The following DIAPH2 variants were observed in gnomAD, a reference collection of about 807,000 sequenced individuals.
DIAPH2 encodes the protein protein diaphanous homolog 2.
In DIAPH2, 35 loss-of-function variants were observed where a neutral mutation model predicts 92.7. The observed-to-expected ratio is 0.38, with a 90% CI of 0.29 to 0.50. The LOEUF (loss-of-function observed/expected upper bound fraction) is 0.50, where lower values mean the gene tolerates loss of function less well. DIAPH2 is among the 20% of genes least tolerant of loss of function. The probability of loss-of-function intolerance (pLI) is 0.94; values close to 1 mark genes in which losing one functional copy is unlikely to be tolerated. For missense variants in DIAPH2, 701 were observed against 819.5 expected, an observed-to-expected ratio of 0.86 and a Z score of 1.77; for synonymous variants, 301 against 280.4, an observed-to-expected ratio of 1.07 and a Z score of -0.73.
At chrX:97,247,607 C>T in intron 22 of DIAPH2, 108 bp from the exon 23 acceptor site, 1 of 701,779 alleles carries the variant, frequency 1.4e-6, no homozygotes, top group Non-Finnish European at 2.1e-6. Context: ...CTTCATGGAA[C>T]TATTTCCCAC....
At chrX:96,974,263 C>T (rs1054208770) in intron 17 of DIAPH2, among the ~76,000 whole-genome samples, 4 of 112,011 alleles carry the variant, frequency 3.6e-5, no homozygotes, top group African/African-American at 9.7e-5. Context: ...GGAAACTTCA[C>T]GCTGAAGAAT....
chrX:96,831,378 A>G (rs2064853774), intron 4 of DIAPH2, among the ~76,000 whole-genome samples: 1 of 112,081 alleles, frequency 8.9e-6, no homozygotes, highest in Non-Finnish European at 1.9e-5. Flanking sequence ...TAACTTGGTA[A>G]TTAAAAGCAT....
intron 23 of DIAPH2, among the ~76,000 whole-genome samples, chrX:97,330,685 G>A (rs903435015): frequency 7.3e-5 from 8 of 109,475 alleles, no homozygotes; most frequent in Middle Eastern, 4.7e-3. Flanking sequence ...GCTAACTTTC[G>A]TATTTTTAGT....
intron 26 of DIAPH2, among the ~76,000 whole-genome samples, chrX:97,525,860 G>C (rs1002444832): frequency 8.9e-6 from 1 of 112,083 alleles, no homozygotes; most frequent in Non-Finnish European, 1.9e-5. Flanking sequence ...AGCATCTGGG[G>C]CTAGATAAAC....
chrX:96,886,004 T>C (rs1422461091), intron 5 of DIAPH2, among the ~76,000 whole-genome samples: 1 of 111,690 alleles, frequency 9.0e-6, no homozygotes, highest in Non-Finnish European at 1.9e-5. Context: ...AATCTTAACT[T>C]TCCTGTGTGA....
chrX:97,414,558 G>A (rs5921814), intron 25 of DIAPH2, among the ~76,000 whole-genome samples: 2,954 of 107,660 alleles, frequency 0.027, 34 homozygotes, highest in Non-Finnish European at 0.039. Context: ...GCTGAGGCAG[G>A]AGAATGGTGT....
chrX:96,695,536 T>C (rs1396667269), intron 1 of DIAPH2, among the ~76,000 whole-genome samples: 2 of 111,952 alleles, frequency 1.8e-5, no homozygotes, highest in Non-Finnish European at 3.8e-5. Context: ...AAATGGCCAT[T>C]ATCTCTGTAT....
At chrX:97,067,507 T>C (rs1472667934) in intron 17 of DIAPH2, among the ~76,000 whole-genome samples, 3 of 111,955 alleles carry the variant, frequency 2.7e-5, no homozygotes, top group African/African-American at 9.7e-5. Context: ...TTTAAGGAAA[T>C]AAAACATTAA....
intron 17 of DIAPH2, among the ~76,000 whole-genome samples, chrX:97,033,685 G>A (rs2066391791): frequency 8.9e-6 from 1 of 111,860 alleles, no homozygotes; most frequent in African/African-American, 3.2e-5. Context: ...ATTCCCTCAG[G>A]ATAAGTTACT....
intron 22 of DIAPH2, among the ~76,000 whole-genome samples, chrX:97,241,217 A>G (rs139604319): frequency 0.01 from 1,133 of 112,425 alleles, 13 homozygotes; most frequent in African/African-American, 0.035. Flanking sequence ...TTAATACATA[A>G]AACTACTTAG....
At chrX:97,347,932 GTT>G (rs1189286934) in intron 23 of DIAPH2, among the ~76,000 whole-genome samples, 182 bp from the exon 24 acceptor site, 1 of 111,622 alleles carries the variant, frequency 9.0e-6, no homozygotes, top group East Asian at 2.8e-4. Flanking sequence ...GAGAAAATCA[GTT>G]TCTGTTGTTT....
intron 23 of DIAPH2, among the ~76,000 whole-genome samples, chrX:97,277,643 G>A (rs1008199190): frequency 9.0e-6 from 1 of 111,369 alleles, no homozygotes; most frequent in African/African-American, 3.3e-5. Context: ...TACCTGGTAA[G>A]TCCAGCTAAA....
At chrX:97,300,620 A>C (rs1270859772) in intron 23 of DIAPH2, among the ~76,000 whole-genome samples, 2 of 91,763 alleles carry the variant, frequency 2.2e-5, no homozygotes, top group Non-Finnish European at 4.2e-5. Flanking sequence ...GCTTATTTAA[A>C]AAAAAAAAAA....
chrX:96,894,974 ATTTTTTTTTTTTTTTT>A (rs766131166), intron 5 of DIAPH2, among the ~76,000 whole-genome samples: 10 of 59,531 alleles, frequency 1.7e-4, no homozygotes, highest in Non-Finnish European at 2.8e-4. Context: ...GTTTTTCTTA[ATTTTTTTTTTTTTTTT>A]TTTTTTTTTT....
intron 4 of DIAPH2, among the ~76,000 whole-genome samples, chrX:96,806,286 G>T (rs1023564967): frequency 1.8e-5 from 2 of 111,252 alleles, no homozygotes; most frequent in African/African-American, 6.6e-5. Context: ...TTCTAGTATG[G>T]CATTTCACCA....
At chrX:96,747,305 C>T (rs1327380524) in intron 3 of DIAPH2, among the ~76,000 whole-genome samples, 1 of 111,847 alleles carries the variant, frequency 8.9e-6, no homozygotes, top group Non-Finnish European at 1.9e-5. Flanking sequence ...CATATAGATA[C>T]GTCAATAAGG....
At chrX:97,507,268 TACTC>T (rs1416298324) in intron 26 of DIAPH2, among the ~76,000 whole-genome samples, 2 of 109,843 alleles carry the variant, frequency 1.8e-5, no homozygotes, top group Non-Finnish European at 3.8e-5. Context: ...ATATAGTACA[TACTC>T]AATATTTGTG....
At chrX:97,199,605 G>C (rs1204337595) in intron 22 of DIAPH2, among the ~76,000 whole-genome samples, 1 of 111,497 alleles carries the variant, frequency 9.0e-6, no homozygotes, top group Non-Finnish European at 1.9e-5. Context: ...AGTTTTCTCA[G>C]CACTGAAGTT....
At chrX:96,855,356 G>A (rs1237073722) in intron 4 of DIAPH2, among the ~76,000 whole-genome samples, 1 of 110,690 alleles carries the variant, frequency 9.0e-6, no homozygotes, top group Non-Finnish European at 1.9e-5. Context: ...CTTCAAATTA[G>A]GATTGGGTTT....
Sources: gnomAD v4.1 joint callset for allele counts (sites outside exome capture counted in the v4.1 genomes callset) on GRCh38, gnomAD v4.1.1 for gene constraint, MANE v1.5 for transcripts, NCBI Gene and HGNC (gene_info 2026-07-23, HGNC 2026-07-21) for gene names.